Variants in PTPRT observed in about 807,000 individuals in gnomAD.
PTPRT encodes the protein protein tyrosine phosphatase receptor type T, also known as receptor-type tyrosine-protein phosphatase T.
Under a neutral mutation model 176.8 loss-of-function variants are expected in PTPRT, and 56 were observed. The observed-to-expected ratio is 0.32, with a 90% CI of 0.26 to 0.40. The LOEUF (loss-of-function observed/expected upper bound fraction) is 0.40. Ranked by LOEUF, PTPRT falls within the 10% of genes least tolerant of loss-of-function variation. PTPRT has a pLI of 1.00. For missense variants in PTPRT, 1,540 were observed against 1,908.2 expected (o/e 0.81, Z 3.60); for synonymous variants, 783 against 739.0 (o/e 1.06, Z -0.96).
At chr20:42,695,193 T>C (rs1403095257) in intron 6 of PTPRT, among the ~76,000 whole-genome samples, 1 of 152,252 alleles carries the variant, frequency 6.6e-6, no homozygotes, top group Admixed American at 6.5e-5. Context: ...TCATCCTCCT[T>C]GCCTGAGCTT....
chr20:42,427,241 AG>A (rs1360714241), intron 9 of PTPRT, among the ~76,000 whole-genome samples: 1 of 152,144 alleles, frequency 6.6e-6, no homozygotes, highest in African/African-American at 2.4e-5. Context: ...TACTTTACTG[AG>A]GTTAAGAAGT....
chr20:42,106,715 C>T, intron 24 of PTPRT, 71 bp downstream of exon 24: 1 of 1,559,414 alleles, frequency 6.4e-7, no homozygotes, highest in Non-Finnish European at 8.7e-7. Context: ...ATGTGTCTCT[C>T]CGTTCTATCA....
At chr20:42,883,581 G>A (rs1170203845) in intron 2 of PTPRT, among the ~76,000 whole-genome samples, 1 of 150,894 alleles carries the variant, frequency 6.6e-6, no homozygotes, top group East Asian at 1.9e-4. Context: ...GGCTTTAAGT[G>A]GACTAAAGAT....
chr20:42,854,581 A>T (rs2078530254), intron 2 of PTPRT, among the ~76,000 whole-genome samples: 1 of 152,242 alleles, frequency 6.6e-6, no homozygotes, highest in African/African-American at 2.4e-5. Flanking sequence ...GTAACAGACC[A>T]GTCAGATGAT....
At chr20:43,100,846 C>T (rs2012368126) in intron 1 of PTPRT, among the ~76,000 whole-genome samples, 1 of 151,110 alleles carries the variant, frequency 6.6e-6, no homozygotes, top group East Asian at 1.9e-4. Flanking sequence ...TGACATTTCC[C>T]ATGCAAATAC....
At chr20:42,663,311 G>A (rs2075258457) in intron 7 of PTPRT, among the ~76,000 whole-genome samples, 1 of 152,032 alleles carries the variant, frequency 6.6e-6, no homozygotes, top group Non-Finnish European at 1.5e-5. Flanking sequence ...AACAGAAAGA[G>A]GTGAAAATTT....
intron 12 of PTPRT, among the ~76,000 whole-genome samples, chr20:42,312,802 CTTTTTTTTTT>C (rs11482597): frequency 1.8e-5 from 2 of 112,372 alleles, no homozygotes. Flanking sequence ...GAGTGAGATC[CTTTTTTTTTT>C]TTTTTTTTTT....
intron 1 of PTPRT, among the ~76,000 whole-genome samples, chr20:43,168,573 A>G (rs956789056): frequency 6.6e-6 from 1 of 152,200 alleles, no homozygotes; most frequent in African/African-American, 2.4e-5. Flanking sequence ...ATTTTTAACT[A>G]TGAGCCTCAG....
intron 9 of PTPRT, among the ~76,000 whole-genome samples, chr20:42,365,794 G>A (rs2058506291): frequency 6.6e-6 from 1 of 152,218 alleles, no homozygotes; most frequent in South Asian, 2.1e-4. Flanking sequence ...TTCGTCTAGA[G>A]CAAGCAGTAA....
At chr20:42,667,423 C>T (rs2075335249) in intron 7 of PTPRT, among the ~76,000 whole-genome samples, 1 of 152,208 alleles carries the variant, frequency 6.6e-6, no homozygotes, top group African/African-American at 2.4e-5. Context: ...CTCAAATTGG[C>T]AGCCACTGTT....
the PTPRT span, among the ~76,000 whole-genome samples, chr20:42,061,742 A>G: frequency 2.6e-5 from 4 of 152,158 alleles, no homozygotes; most frequent in Non-Finnish European, 4.4e-5. Flanking sequence ...CCTTGGATGA[A>G]CCTTCTAGTT....
At chr20:42,903,877 C>T (rs1454661434) in intron 1 of PTPRT, among the ~76,000 whole-genome samples, 2 of 152,212 alleles carry the variant, frequency 1.3e-5, no homozygotes. Flanking sequence ...GTTAAATCAG[C>T]AAGCCTTCTG....
chr20:42,513,515 G>A (rs1422194474), intron 7 of PTPRT, among the ~76,000 whole-genome samples: 2 of 151,828 alleles, frequency 1.3e-5, no homozygotes, highest in Admixed American at 6.6e-5. Flanking sequence ...GTATTATTTT[G>A]TGTTCTTATT....
Position 42,607,801 on chromosome 20 carries a change from C to T in PTPRT, c.1153+70065G>A, listed in dbSNP as rs115440793. 5.0e-3 allele frequency among the ~76,000 whole-genome samples: 757 copies of T among 152,150 alleles called. 9 individuals carry two copies. Among genetic ancestry groups the T allele is most frequent in the African/African-American group, 0.018 (731 of 41,490 alleles). Reference sequence around the variant, plus strand: ...ATGAGCAGGCAGAGGGACCTGTGGGCGCTTGCTTTTGCTTCCGGGTCTTCT... The same window carrying T: ...ATGAGCAGGCAGAGGGACCTGTGGGTGCTTGCTTTTGCTTCCGGGTCTTCT... On this transcript the variant is annotated intron_variant, in intron 7 of 30. Coordinates refer to ENST00000373187, the MANE Select transcript of PTPRT (RefSeq NM_007050.6).
intron 16 of PTPRT, among the ~76,000 whole-genome samples, chr20:42,196,758 A>C (rs951044819): frequency 6.6e-6 from 1 of 152,222 alleles, no homozygotes; most frequent in African/African-American, 2.4e-5. Context: ...AAATGGGAAA[A>C]AAAGGACTGG....
At chr20:42,127,255 A>G (rs1307539410) in intron 19 of PTPRT, among the ~76,000 whole-genome samples, 3 of 152,190 alleles carry the variant, frequency 2.0e-5, no homozygotes, top group Non-Finnish European at 2.9e-5. Context: ...AGACTGGACT[A>G]TGGCAGGCCT....
At chr20:43,009,589 C>G (rs1287164562) in intron 1 of PTPRT, among the ~76,000 whole-genome samples, 1 of 152,142 alleles carries the variant, frequency 6.6e-6, no homozygotes, top group African/African-American at 2.4e-5. Context: ...AACTTCAGGC[C>G]TCAAGGGAAC....
At chr20:42,756,966 G>A (rs574610180) in intron 5 of PTPRT, among the ~76,000 whole-genome samples, 12 of 150,426 alleles carry the variant, frequency 8.0e-5, no homozygotes, top group Middle Eastern at 3.4e-3. Flanking sequence ...AAGGAGGATC[G>A]CCTGAGCCCA....
rs1408581144 is a variant in PTPRT at position 42,106,851 on chromosome 20, C to T, written c.3325G>A (p.Val1109Met). The change falls in exon 24 of 31, where the codon GTG becomes ATG. Residue 1109 changes from valine (V) to methionine (M), a missense_variant. By Grantham distance (21) the Val-to-Met change is conservative (BLOSUM62 1). Transcript: ENST00000373187. ...TMLDMAENEG[V>M]VDIFNCVREL... is the part of the protein sequence containing the mutation. The stretch of plus-strand genomic sequence containing the variant: ...CGCACGCAGTTGAAGATGTCCACCA[C>T]CCCTTCATTCTCGGCCATGTCAAGC... The T allele has an allele frequency of 1.9e-6, 3 of 1,614,180 alleles. No individual in the cohort carries two copies. The highest frequency in any genetic ancestry group is 3.3e-5 in the Admixed American group (2 of 60,016).
Sources: allele counts gnomAD v4.1 joint callset (sites outside exome capture counted in the v4.1 genomes callset), GRCh38; gene constraint gnomAD v4.1.1; transcripts MANE v1.5; gene names NCBI Gene and HGNC (gene_info 2026-07-23, HGNC 2026-07-21).